Variants in FLOT2 observed in about 807,000 individuals in gnomAD.
The protein encoded by FLOT2 is flotillin-2.
Under a neutral mutation model 54.9 loss-of-function variants are expected in FLOT2, and 35 were observed. The ratio of observed to expected loss-of-function variants is 0.64; its 90% confidence interval spans 0.49 to 0.84. FLOT2 has a LOEUF of 0.84. FLOT2 is among the 40% of genes least tolerant of loss of function. The pLI, the probability that FLOT2 is intolerant of heterozygous loss-of-function variation, is 0.00. For missense variants in FLOT2, 464 were observed against 572.1 expected, an observed-to-expected ratio of 0.81 and a Z score of 1.93; for synonymous variants, 207 against 228.9, an observed-to-expected ratio of 0.90 and a Z score of 0.86.
In FLOT2 at chr17:28,883,458, G is replaced by C. The variant is rs766742892; in HGVS notation, c.223-227C>G. Among the ~76,000 whole-genome samples the C allele has an allele frequency of 6.6e-6, 1 of 152,144 alleles. No homozygotes were observed. The highest frequency in any genetic ancestry group is 1.5e-5 in the Non-Finnish European group (1 of 68,020). ...CACTGACAGCCCCAGGCCCTGCCACGGCCTCTCCTGGGCATTCGGGGCTTG... is the reference window on the plus strand; with the variant it reads ...CACTGACAGCCCCAGGCCCTGCCACCGCCTCTCCTGGGCATTCGGGGCTTG... On this transcript the variant is annotated intron_variant, in intron 3 of 10. Transcript: ENST00000394908. The surrounding 1 kb of genome is among the most constrained non-coding windows in gnomAD (Gnocchi z 5.0).
chr17:28,880,914 G>A, intron 9 of FLOT2, 52 bp from the exon 10 acceptor site: 1 of 1,600,658 alleles, frequency 6.2e-7, no homozygotes, highest in East Asian at 2.2e-5. Context: ...TCTGTTCTCA[G>A]CCCGGTCCAG....
chr17:28,884,222 T>C lies in FLOT2; in HGVS notation c.222+3A>G. The stretch of plus-strand genomic sequence containing the variant: ...CATGCGCAGGGCTGCTGAGTTACTA[T>C]ACCTGGGCGACACCCGTCACAGTTA... On this transcript the variant is annotated splice_donor_region_variant and intron_variant, in intron 3 of 10. Transcript: ENST00000394908. The surrounding 1 kb of genome is among the most constrained non-coding windows in gnomAD (Gnocchi z 5.1). 1.9e-6 allele frequency: 3 copies of C among 1,609,084 alleles called. No homozygotes were observed. Among genetic ancestry groups the C allele is most frequent in the Non-Finnish European group, 2.6e-6 (3 of 1,175,680 alleles).
chr17:28,895,325 A>T (rs2152651044), intron 1 of FLOT2, among the ~76,000 whole-genome samples: 2 of 152,358 alleles, frequency 1.3e-5, no homozygotes, highest in South Asian at 4.1e-4. Context: ...TTAAATAGTA[A>T]GATCTAGTGG....
Position 28,883,083 on chromosome 17 carries a change from C to T in FLOT2, c.346+25G>A. On this transcript the variant is annotated intron_variant, in intron 4 of 10. Transcript: ENST00000394908. This position sits in a 1 kb window ranked among gnomAD's most constrained non-coding sequence, Gnocchi z 5.0. ...CTTGGCTTAGGGGCCCCGTGAGGCT[C>T]CTCAAAGGCTGAACAGGGCCTCACC... 1 of 1,613,158 alleles carries T rather than the reference C, an allele frequency of 6.2e-7. No homozygotes were observed. The highest frequency in any genetic ancestry group is 1.3e-5 in the African/African-American group (1 of 75,030).
chr17:28,887,848 C>T (rs1178883916), intron 2 of FLOT2, among the ~76,000 whole-genome samples: 1 of 152,210 alleles, frequency 6.6e-6, no homozygotes, highest in Non-Finnish European at 1.5e-5. Flanking sequence ...CCCAGCATCG[C>T]TCACCTCTGG....
In FLOT2 at chr17:28,884,088, C is replaced by A; in HGVS notation, c.222+137G>T. 1 of 721,810 alleles carries A rather than the reference C, an allele frequency of 1.4e-6. No individual in the cohort carries two copies. Among genetic ancestry groups the A allele is most frequent in the Non-Finnish European group, 2.5e-6 (1 of 408,092 alleles). 44.7% of individuals were successfully genotyped at this position (721,810 alleles called of 1,614,324 possible). ...TCCAGTGGCGACGACCTGACTAGCC[C>A]TCTCTTGTGGGACTTGCGGGGGCTG... On this transcript the variant is annotated intron_variant, in intron 3 of 10. Coordinates refer to ENST00000394908, the MANE Select transcript of FLOT2 (RefSeq NM_004475.3). This position sits in a 1 kb window ranked among gnomAD's most constrained non-coding sequence, Gnocchi z 5.1.
intron 1 of FLOT2, chr17:28,893,191 CCTAA>C (rs2039682059): frequency 6.6e-6 from 1 of 152,246 alleles, no homozygotes; most frequent in African/African-American, 2.4e-5. Flanking sequence ...CCTTGATTTC[CCTAA>C]CTCTTACTCG....
chr17:28,886,838 C>T (rs1172214822), intron 2 of FLOT2, among the ~76,000 whole-genome samples: 4 of 152,274 alleles, frequency 2.6e-5, no homozygotes, highest in African/African-American at 7.2e-5. Context: ...CCATCTCAAT[C>T]CCAGGAGGGG....
In FLOT2 at chr17:28,879,636, C is replaced by T; in HGVS notation, c.*925G>A. On this transcript the variant is annotated 3_prime_UTR_variant, in exon 11 of 11. Transcript: ENST00000394908. ...ATGGCACAAGGGCTCTGGGGTCTGG[C>T]CAGGCTACAGCACTCGATTCTGTAC... The T allele has an allele frequency of 1.0e-6, 1 of 985,996 alleles. No individual in the cohort carries two copies. The highest frequency in any genetic ancestry group is 1.2e-6 in the Non-Finnish European group (1 of 830,100). 61.1% of individuals were successfully genotyped at this position (985,996 alleles called of 1,614,324 possible).
Position 28,880,305 on chromosome 17 carries a change from A to G in FLOT2, c.*256T>C. Reference sequence around the variant, plus strand: ...ATGGGGGAAAGAAAAAGACAGACAAAGGAAAAGACACGCAGGGAGATGAGA... The same window carrying G: ...ATGGGGGAAAGAAAAAGACAGACAAGGGAAAAGACACGCAGGGAGATGAGA... On this transcript the variant is annotated 3_prime_UTR_variant, in exon 11 of 11. Coordinates refer to ENST00000394908, the MANE Select transcript of FLOT2 (RefSeq NM_004475.3). The G allele has an allele frequency of 7.3e-7, 1 of 1,365,660 alleles. No individual in the cohort carries two copies. Among genetic ancestry groups the G allele is most frequent in the Non-Finnish European group, 9.4e-7 (1 of 1,060,378 alleles). The allele number at this position is 1,365,660 out of a possible 1,614,324, so 84.6% of individuals were successfully genotyped here. A position where few individuals can be genotyped will look rare whatever the true frequency, so the allele number is the denominator to read the frequency against.
At chr17:28,891,789 G>A (rs964199933) in intron 1 of FLOT2, among the ~76,000 whole-genome samples, 7 of 152,196 alleles carry the variant, frequency 4.6e-5, no homozygotes, top group Middle Eastern at 3.2e-3. Flanking sequence ...ACACAATGGA[G>A]AGAATGGGAA....
At chr17:28,888,568 T>C (rs1598096526) in intron 2 of FLOT2, among the ~76,000 whole-genome samples, 3 of 152,308 alleles carry the variant, frequency 2.0e-5, no homozygotes, top group Middle Eastern at 3.4e-3. Context: ...TCCCTTCATA[T>C]GCCCACTCCA....
intron 2 of FLOT2, among the ~76,000 whole-genome samples, chr17:28,887,451 G>A (rs1049297496): frequency 2.0e-5 from 3 of 152,236 alleles, no homozygotes; most frequent in African/African-American, 7.2e-5. Flanking sequence ...GAGGGAGGAT[G>A]TAGAGCCTGG....
At chr17:28,890,740 G>T (rs1465885246) in intron 1 of FLOT2, among the ~76,000 whole-genome samples, 1 of 151,834 alleles carries the variant, frequency 6.6e-6, no homozygotes, top group African/African-American at 2.4e-5. Context: ...TCCTCATCAA[G>T]TTCAAGGAAA....
chr17:28,891,417 C>T (rs2152649703), intron 1 of FLOT2, among the ~76,000 whole-genome samples: 1 of 152,212 alleles, frequency 6.6e-6, no homozygotes, highest in South Asian at 2.1e-4. Flanking sequence ...GCAAGGTTAC[C>T]CTTGAGAAAC....
chr17:28,890,365 C>T (rs999681991), intron 1 of FLOT2, among the ~76,000 whole-genome samples: 4 of 150,834 alleles, frequency 2.7e-5, no homozygotes, highest in Non-Finnish European at 5.9e-5. Context: ...TATACAGAAA[C>T]GAGAAAAATC....
Position 28,881,289 on chromosome 17 carries a change from C to T in FLOT2, c.1001G>A (p.Gly334Asp), listed in dbSNP as rs768117137. Reference protein sequence around the residue: ...EAEAAVIEAMGKAEAERMKLK... With the variant: ...EAEAAVIEAMDKAEAERMKLK... ...CTTCATCCGCTCAGCCTCTGCCTTG[C>T]CCATCGCCTCGATGACTGCCGCTTC... The change falls in exon 9 of 11, where the codon GGC becomes GAC. Residue 334 changes from glycine (G) to aspartate (D), a missense_variant. Transcript: ENST00000394908. 6.2e-7 allele frequency: 1 copy of T among 1,614,084 alleles called. No individual in the cohort carries two copies. Among genetic ancestry groups the T allele is most frequent in the South Asian group, 1.1e-5 (1 of 91,086 alleles).
Position 28,897,448 on chromosome 17 carries a change from T to C in FLOT2, c.49+78A>G. 1 of 1,386,492 alleles carries C rather than the reference T, an allele frequency of 7.2e-7. No homozygotes were observed. Among genetic ancestry groups the C allele is most frequent in the Non-Finnish European group, 9.8e-7 (1 of 1,017,350 alleles). The allele number at this position is 1,386,492 out of a possible 1,614,324, so 85.9% of individuals were successfully genotyped here. A position where few individuals can be genotyped will look rare whatever the true frequency, so the allele number is the denominator to read the frequency against. The stretch of plus-strand genomic sequence containing the variant: ...GCCGCGCGGTGGACTCAGGCCCAGC[T>C]CTTCCCCGTGCACTCCCCAGCCCTG... On this transcript the variant is annotated intron_variant, in intron 1 of 10. Coordinates refer to ENST00000394908, the MANE Select transcript of FLOT2 (RefSeq NM_004475.3). This position sits in a 1 kb window ranked among gnomAD's most constrained non-coding sequence, Gnocchi z 4.4.
At chr17:28,885,645 C>G (rs773422235) in intron 2 of FLOT2, 7 of 717,430 alleles carry the variant, frequency 9.8e-6, no homozygotes, top group African/African-American at 1.7e-5. Context: ...GAATCCCTTG[C>G]TGTTTCCCCA....
Sources: gnomAD v4.1 joint callset for allele counts (sites outside exome capture counted in the v4.1 genomes callset) on GRCh38, gnomAD v4.1.1 for gene constraint, Gnocchi (gnomAD v3.1) non-coding constraint, MANE v1.5 for transcripts, NCBI Gene and HGNC (gene_info 2026-07-23, HGNC 2026-07-21) for gene names.